RASAL2: variants seen among roughly 807,000 people sequenced by gnomAD.
RASAL2 encodes ras GTPase-activating protein nGAP.
In RASAL2, 58 loss-of-function variants were observed where a neutral mutation model predicts 128.9. That is an observed-to-expected ratio of 0.45 (90% CI 0.36 to 0.56). RASAL2 has a LOEUF of 0.56. Among genes scored for constraint, RASAL2 ranks in the 20% least tolerant of loss-of-function variants. The pLI is 0.00. For synonymous variants in RASAL2, 561 were observed against 580.8 expected, an observed-to-expected ratio of 0.97 and a Z score of 0.49; for missense variants, 1,360 against 1,601.6, an observed-to-expected ratio of 0.85 and a Z score of 2.57.
chr1:178,117,891 G>A (rs532950059), intron 1 of RASAL2, among the ~76,000 whole-genome samples: 6 of 152,042 alleles, frequency 3.9e-5, no homozygotes, highest in African/African-American at 7.2e-5. Flanking sequence ...TTGGCCAGGC[G>A]TGGTGACTCA....
In RASAL2 at chr1:178,398,318, G is replaced by A. The variant is rs1210363890; in HGVS notation, c.564+8112G>A. 2.0e-5 allele frequency among the ~76,000 whole-genome samples: 3 copies of A among 152,016 alleles called. No individual in the cohort carries two copies. In the South Asian group the frequency reaches 6.2e-4, roughly 31 times the overall value. On this transcript the variant is annotated intron_variant, in intron 4 of 17. Coordinates refer to ENST00000367649, the MANE Select transcript of RASAL2 (RefSeq NM_170692.4). ...ATATGTGGAATATTTTTTAATTTTTGCAAATTATCAACAAATTTTTATATC... is the reference window on the plus strand; with the variant it reads ...ATATGTGGAATATTTTTTAATTTTTACAAATTATCAACAAATTTTTATATC...
At chr1:178,145,794 T>G (rs374406684) in intron 1 of RASAL2, among the ~76,000 whole-genome samples, 1 of 152,118 alleles carries the variant, frequency 6.6e-6, no homozygotes, top group Non-Finnish European at 1.5e-5. Context: ...TATCCTTAGG[T>G]AGCAGCAAAG....
chr1:178,246,110 A>C (rs2102067548), intron 1 of RASAL2, among the ~76,000 whole-genome samples: 1 of 152,314 alleles, frequency 6.6e-6, no homozygotes, highest in Admixed American at 6.5e-5. Context: ...GAAGAAAGTC[A>C]GTGGTAACTT....
chr1:178,249,662 T>C (rs1297745659), intron 1 of RASAL2, among the ~76,000 whole-genome samples: 2 of 152,204 alleles, frequency 1.3e-5, no homozygotes, highest in Non-Finnish European at 2.9e-5. Context: ...TGGTTTTTCC[T>C]CATTTTCGTG....
chr1:178,458,059 C>G lies in RASAL2; in HGVS notation c.2767C>G (p.Gln923Glu). The change falls in exon 14 of 18, where the codon CAG becomes GAG. Residue 923 changes from glutamine (Q) to glutamate (E), a missense_variant. Coordinates refer to ENST00000367649, the MANE Select transcript of RASAL2 (RefSeq NM_170692.4). ...QPGGLQPLSF[Q>E]NPVYHLNNPI... is the part of the protein sequence containing the mutation. ...AGGTGGCCTTCAGCCCTTGTCGTTC[C>G]AGAACCCTGTCTATCACCTCAATAA... 6.2e-7 allele frequency: 1 copy of G among 1,614,194 alleles called. No homozygotes were observed.
chr1:178,157,935 G>T (rs1571559429), intron 1 of RASAL2, among the ~76,000 whole-genome samples: 1 of 152,182 alleles, frequency 6.6e-6, no homozygotes, highest in African/African-American at 2.4e-5. Context: ...CACATCTCAT[G>T]TGAAAATGAC....
chr1:178,327,921 G>A (rs553097275), intron 3 of RASAL2, among the ~76,000 whole-genome samples: 16 of 152,242 alleles, frequency 1.1e-4, no homozygotes, highest in Non-Finnish European at 1.9e-4. Context: ...GACAATGATT[G>A]GAGTAAAGCA....
At chr1:178,355,217 C>T (rs980765642) in intron 3 of RASAL2, among the ~76,000 whole-genome samples, 1 of 152,172 alleles carries the variant, frequency 6.6e-6, no homozygotes, top group Non-Finnish European at 1.5e-5. Flanking sequence ...GGAGGACTTG[C>T]TCTGTCAGCT....
intron 1 of RASAL2, among the ~76,000 whole-genome samples, chr1:178,250,822 C>G (rs1319554115): frequency 6.6e-6 from 1 of 152,066 alleles, no homozygotes; most frequent in African/African-American, 2.4e-5. Context: ...TGCTTAGTCA[C>G]GTTATTTTGA....
At chr1:178,456,643 C>T (rs1677793271) in intron 12 of RASAL2, 78 bp from the exon 13 acceptor site, 1 of 1,485,732 alleles carries the variant, frequency 6.7e-7, no homozygotes, top group Non-Finnish European at 9.4e-7. Flanking sequence ...CATCAATGGC[C>T]ATCGTTGTGC....
chr1:178,110,637 C>CATATAT lies in RASAL2; in HGVS notation c.202+15954_202+15959dup, dbSNP rs1553250958. Among the ~76,000 whole-genome samples the CATATAT allele has an allele frequency of 6.5e-3, 102 of 15,628 alleles. 2 individuals are homozygous for CATATAT. The highest frequency in any genetic ancestry group is 0.01 in the African/African-American group (92 of 9,058). The allele number at this position is 15,628 out of a possible 152,430, so 10.3% of individuals were successfully genotyped here. On this transcript the variant is annotated intron_variant, in intron 1 of 17. Coordinates refer to ENST00000367649, the MANE Select transcript of RASAL2 (RefSeq NM_170692.4). ...CTATATACACTATATATAGTGTATA[C>CATATAT]ATATATATATATATATGTATGTATA...
At chr1:178,355,946 G>A (rs1327949601) in intron 3 of RASAL2, among the ~76,000 whole-genome samples, 2 of 152,138 alleles carry the variant, frequency 1.3e-5, no homozygotes, top group Non-Finnish European at 2.9e-5. Flanking sequence ...CGAGGCAGGT[G>A]GATTACGAGG....
At position 178,283,187 on chromosome 1, in the gene RASAL2, G is replaced by A. The variant is rs536911555; in HGVS notation, c.203-377G>A. On this transcript the variant is annotated intron_variant, in intron 1 of 17. Transcript: ENST00000367649. ...TTAACAGTGTTCTCAAAGTGTACAT[G>A]TAACATCATCTTTCTCCTAAAGACT... Among the ~76,000 whole-genome samples the A allele has an allele frequency of 8.0e-4, 122 of 152,210 alleles. 1 individual carries two copies. Among genetic ancestry groups the A allele is most frequent in the African/African-American group, 1.4e-3 (58 of 41,524 alleles).
intron 1 of RASAL2, among the ~76,000 whole-genome samples, chr1:178,200,647 A>T (rs552451205): frequency 6.6e-6 from 1 of 152,316 alleles, no homozygotes; most frequent in East Asian, 1.9e-4. Context: ...TATGTGAGTG[A>T]CTGACCTGCA....
At chr1:178,206,506 A>C (rs1207699244) in intron 1 of RASAL2, among the ~76,000 whole-genome samples, 1 of 152,212 alleles carries the variant, frequency 6.6e-6, no homozygotes, top group East Asian at 1.9e-4. Context: ...TTAAGTGACA[A>C]GCCAAAATAT....
intron 4 of RASAL2, among the ~76,000 whole-genome samples, chr1:178,400,951 A>G (rs775463624): frequency 6.6e-6 from 1 of 152,098 alleles, no homozygotes; most frequent in Non-Finnish European, 1.5e-5. Flanking sequence ...GAGTTTTGCC[A>G]TGTTGGCCAG....
chr1:178,162,429 A>G (rs1661351597), intron 1 of RASAL2, among the ~76,000 whole-genome samples: 2 of 118,376 alleles, frequency 1.7e-5, no homozygotes, highest in Admixed American at 1.1e-4. Context: ...AATATTATAT[A>G]TATTTTATAT....
chr1:178,259,705 G>A (rs1248999989), intron 1 of RASAL2, among the ~76,000 whole-genome samples: 2 of 152,126 alleles, frequency 1.3e-5, no homozygotes, highest in Non-Finnish European at 2.9e-5. Flanking sequence ...GGGACTACAG[G>A]TGTGTGCTCC....
intron 3 of RASAL2, among the ~76,000 whole-genome samples, chr1:178,333,032 TA>T (rs1408864660): frequency 6.6e-6 from 1 of 151,920 alleles, no homozygotes. Flanking sequence ...TTTATTTATT[TA>T]TTAATTTTTT....
Sources: gnomAD v4.1 joint callset for allele counts (sites outside exome capture counted in the v4.1 genomes callset) on GRCh38, gnomAD v4.1.1 for gene constraint, MANE v1.5 for transcripts, NCBI Gene and HGNC (gene_info 2026-07-23, HGNC 2026-07-21) for gene names.